PCYT1B: variants seen among roughly 807,000 people sequenced by gnomAD.
The protein encoded by PCYT1B is phosphate cytidylyltransferase 1B, choline.
PCYT1B carries 10 observed loss-of-function variants against 26.4 expected under a neutral mutation model. The ratio of observed to expected loss-of-function variants is 0.38; its 90% CI spans 0.23 to 0.64. PCYT1B has a LOEUF of 0.64. Among genes scored for constraint, PCYT1B ranks in the 30% least tolerant of loss-of-function variants. PCYT1B has a pLI of 0.56. For missense variants in PCYT1B, 161 were observed against 292.7 expected, an observed-to-expected ratio of 0.55 and a Z score of 3.28; for synonymous variants, 131 against 108.4, an observed-to-expected ratio of 1.21 and a Z score of -1.29.
At chrX:24,579,906 G>A (rs1173962952) in intron 5 of PCYT1B, among the ~76,000 whole-genome samples, 4 of 112,313 alleles carry the variant, frequency 3.6e-5, no homozygotes, top group African/African-American at 1.3e-4. Context: ...CAGCCATGGT[G>A]GCTCATGCCT....
At chrX:24,595,678 G>A (rs1409360110) in intron 3 of PCYT1B, among the ~76,000 whole-genome samples, 2 of 110,438 alleles carry the variant, frequency 1.8e-5, no homozygotes, top group Admixed American at 9.7e-5. Flanking sequence ...TCAGGAATTC[G>A]AGACCAGCCA....
rs762029662 is a variant in PCYT1B, at chrX:24,562,282, C to T, written c.*11G>A. On this transcript the variant is annotated 3_prime_UTR_variant, in exon 8 of 8. Transcript: ENST00000379144. ...ATCCTGCATGGTGCGGCTCTTGCCT[C>T]CCAGCAGCCTCTACTTTTCATCCTC... 8.7e-7 allele frequency: 1 copy of T among 1,151,843 alleles called. No homozygotes were observed. The highest frequency in any genetic ancestry group is 1.2e-6 in the Non-Finnish European group (1 of 865,767). 94.9% of individuals were successfully genotyped at this position (1,151,843 alleles called of 1,213,427 possible).
intron 5 of PCYT1B, among the ~76,000 whole-genome samples, chrX:24,585,406 T>C (rs1419227851): frequency 1.8e-5 from 2 of 111,926 alleles, no homozygotes; most frequent in Non-Finnish European, 3.8e-5. Context: ...GTTTTTAAAT[T>C]TCCTGGGGAC....
chrX:24,578,141 T>C (rs1418963654), intron 6 of PCYT1B, among the ~76,000 whole-genome samples: 2 of 111,408 alleles, frequency 1.8e-5, no homozygotes, highest in African/African-American at 3.3e-5. Flanking sequence ...ATATACACCA[T>C]GGAATACTAT....
intron 6 of PCYT1B, among the ~76,000 whole-genome samples, chrX:24,576,709 G>A (rs2148225530): frequency 9.0e-6 from 1 of 111,458 alleles, no homozygotes; most frequent in East Asian, 2.8e-4. Flanking sequence ...TGGGGCATGA[G>A]CTATGTGTGT....
At chrX:24,644,980 C>T (rs775549198) in intron 1 of PCYT1B, among the ~76,000 whole-genome samples, 2 of 111,414 alleles carry the variant, frequency 1.8e-5, no homozygotes, top group Non-Finnish European at 3.8e-5. Flanking sequence ...AGGAGAATCG[C>T]TTGAACCTGG....
Position 24,587,227 on chromosome X carries a change from G to A in PCYT1B, c.565+14C>T, listed in dbSNP as rs1442476017. The A allele has an allele frequency of 8.8e-7, 1 of 1,140,726 alleles. No individual in the cohort carries two copies. The highest frequency in any genetic ancestry group is 1.8e-5 in the South Asian group (1 of 55,191). The allele number at this position is 1,140,726 out of a possible 1,213,427, so 94.0% of individuals were successfully genotyped here. On this transcript the variant is annotated intron_variant, in intron 5 of 7. Coordinates refer to ENST00000379144, the MANE Select transcript of PCYT1B (RefSeq NM_004845.5). ...GTGATGTGGTTGACAGGTGAGCACAGGGGAATGCCTCACCTGCTTCCTTTA... is the reference window on the plus strand; with the variant it reads ...GTGATGTGGTTGACAGGTGAGCACAAGGGAATGCCTCACCTGCTTCCTTTA...
At chrX:24,576,114 G>A (rs888669827) in intron 6 of PCYT1B, among the ~76,000 whole-genome samples, 2 of 112,192 alleles carry the variant, frequency 1.8e-5, no homozygotes, top group Non-Finnish European at 3.8e-5. Context: ...TTTAGTAAAT[G>A]CTCAGTGTAT....
At chrX:24,639,625 A>G (rs1926401519) in intron 1 of PCYT1B, among the ~76,000 whole-genome samples, 1 of 111,937 alleles carries the variant, frequency 8.9e-6, no homozygotes, top group Non-Finnish European at 1.9e-5. Context: ...ATATACCAGA[A>G]TTATAGTTCC....
At chrX:24,672,878 A>G (rs1441154738), upstream of PCYT1B, among the ~76,000 whole-genome samples, 1 of 111,907 alleles carries the variant, frequency 8.9e-6, no homozygotes, top group Admixed American at 9.5e-5. Flanking sequence ...GCTGTTGTTC[A>G]TTGACAATTG....
At chrX:24,607,506 G>A (rs1166091428) in intron 3 of PCYT1B, among the ~76,000 whole-genome samples, 1 of 112,077 alleles carries the variant, frequency 8.9e-6, no homozygotes, top group Non-Finnish European at 1.9e-5. Flanking sequence ...TTTACCCTTG[G>A]TGGTACTATC....
intron 1 of PCYT1B, among the ~76,000 whole-genome samples, chrX:24,639,123 A>G (rs957504129): frequency 1.4e-4 from 16 of 112,648 alleles, no homozygotes; most frequent in African/African-American, 5.2e-4. Context: ...GGATAAAACC[A>G]ACAGGGGGTG....
chrX:24,662,042 G>A (rs1049150351), intron 1 of PCYT1B, among the ~76,000 whole-genome samples: 1 of 110,771 alleles, frequency 9.0e-6, no homozygotes. Context: ...GGTGGTGTGC[G>A]CCTGTGGTCC....
intron 1 of PCYT1B, among the ~76,000 whole-genome samples, chrX:24,637,515 T>TATATA (rs1374482055): frequency 8.4e-5 from 7 of 82,939 alleles, no homozygotes; most frequent in East Asian, 4.9e-4. Flanking sequence ...TATATATAAA[T>TATATA]TAGCTGAGCG....
chrX:24,651,482 T>A (rs1172614785), upstream of PCYT1B, among the ~76,000 whole-genome samples: 198 of 20,064 alleles, frequency 9.9e-3, 1 homozygote, highest in Non-Finnish European at 0.015. Flanking sequence ...AATATATATA[T>A]ATATATATAT....
At chrX:24,563,308 C>G (rs986144330) in intron 7 of PCYT1B, among the ~76,000 whole-genome samples, 1 of 111,554 alleles carries the variant, frequency 9.0e-6, no homozygotes, top group Non-Finnish European at 1.9e-5. Flanking sequence ...ACAGGGTGCT[C>G]GGGGAAGGCC....
chrX:24,657,106 T>C (rs2148278931), intron 1 of PCYT1B, among the ~76,000 whole-genome samples: 1 of 111,862 alleles, frequency 8.9e-6, no homozygotes, highest in South Asian at 3.7e-4. Context: ...TATTACTTGG[T>C]GGTATTTATA....
intron 3 of PCYT1B, among the ~76,000 whole-genome samples, chrX:24,605,222 GCCT>G (rs947174088): frequency 4.5e-5 from 5 of 111,578 alleles, no homozygotes; most frequent in Non-Finnish European, 9.4e-5. Flanking sequence ...TTTATGGAAA[GCCT>G]CCTTAAGATA....
intron 6 of PCYT1B, 104 bp downstream of exon 6, chrX:24,579,212 A>T: frequency 1.5e-6 from 1 of 646,316 alleles, no homozygotes; most frequent in Non-Finnish European, 2.3e-6. Flanking sequence ...AGAGAGAGAG[A>T]GGGAGAACAC....
Sources: gnomAD v4.1 joint callset for allele counts (sites outside exome capture counted in the v4.1 genomes callset) on GRCh38, gnomAD v4.1.1 for gene constraint, MANE v1.5 for transcripts, NCBI Gene and HGNC (gene_info 2026-07-23, HGNC 2026-07-21) for gene names.